The following TAS2R1 variants were observed in gnomAD, a reference collection of about 807,000 sequenced individuals.
The protein encoded by TAS2R1 is taste 2 receptor member 1, also known as taste receptor type 2 member 1.
For missense variants in TAS2R1, 370 were observed against 353.4 expected, an observed-to-expected ratio of 1.05 and a Z score of -0.38; for synonymous variants, 141 against 134.2, an observed-to-expected ratio of 1.05 and a Z score of -0.35.
chr5:9,854,432 C>T, the TAS2R1 span: 8 of 152,196 alleles, frequency 5.3e-5, no homozygotes, highest in East Asian at 1.5e-3. Context: ...GGATGCAATT[C>T]AACACGTAAT....
At chr5:9,773,779 C>T in the TAS2R1 span, among the ~76,000 whole-genome samples, 24 of 152,234 alleles carry the variant, frequency 1.6e-4, no homozygotes, top group African/African-American at 5.1e-4. Context: ...ACTAGAAAGT[C>T]GGCTGCCAAA....
the TAS2R1 span, among the ~76,000 whole-genome samples, chr5:9,793,008 A>T: frequency 4.6e-5 from 7 of 152,218 alleles, no homozygotes; most frequent in African/African-American, 1.4e-4. Context: ...CATATAAAAG[A>T]TGCATTTTCT....
chr5:9,862,135 C>A, the TAS2R1 span, among the ~76,000 whole-genome samples: 2 of 152,096 alleles, frequency 1.3e-5, no homozygotes, highest in Non-Finnish European at 2.9e-5. Context: ...ACTGGCAAAT[C>A]CATTAGGAGC....
chr5:9,862,625 CAG>C, the TAS2R1 span, among the ~76,000 whole-genome samples: 2 of 152,058 alleles, frequency 1.3e-5, no homozygotes, highest in Non-Finnish European at 2.9e-5. Flanking sequence ...TATTTTGAGA[CAG>C]GGTCTGGCTC....
chr5:9,842,840 T>G, the TAS2R1 span, among the ~76,000 whole-genome samples: 1 of 152,204 alleles, frequency 6.6e-6, no homozygotes, highest in East Asian at 1.9e-4. Flanking sequence ...TGCCTTGCGA[T>G]GGCCAAAATC....
the TAS2R1 span, among the ~76,000 whole-genome samples, chr5:9,813,177 T>C: frequency 3.3e-5 from 5 of 151,908 alleles, no homozygotes; most frequent in Non-Finnish European, 7.4e-5. Flanking sequence ...GAGAAGACAA[T>C]GGAAGAGACA....
intron 1 of TAS2R1, among the ~76,000 whole-genome samples, chr5:9,687,800 C>T (rs1426270286): frequency 1.3e-5 from 2 of 152,200 alleles, no homozygotes; most frequent in Non-Finnish European, 2.9e-5. Context: ...ACTGATTACC[C>T]CTCAGCTGAA....
the TAS2R1 span, among the ~76,000 whole-genome samples, chr5:9,794,072 T>A: frequency 6.6e-6 from 1 of 152,238 alleles, no homozygotes. Flanking sequence ...GGGTTTTGTG[T>A]CACCAGGATT....
chr5:9,685,422 A>C (rs1258704307), intron 1 of TAS2R1, among the ~76,000 whole-genome samples: 1 of 152,122 alleles, frequency 6.6e-6, no homozygotes, highest in Non-Finnish European at 1.5e-5. Context: ...AAATACTTAT[A>C]ATAACAATTA....
chr5:9,786,247 G>T, the TAS2R1 span, among the ~76,000 whole-genome samples: 2 of 152,226 alleles, frequency 1.3e-5, no homozygotes, highest in African/African-American at 4.8e-5. Context: ...CAATGGCTAA[G>T]ATTGTCATGC....
At chr5:9,632,372 C>T (rs1244501000), upstream of TAS2R1, among the ~76,000 whole-genome samples, 1 of 152,184 alleles carries the variant, frequency 6.6e-6, no homozygotes, top group Non-Finnish European at 1.5e-5. Context: ...ATGTTGATGG[C>T]TGCTGACTGA....
chr5:9,893,985 A>C, the TAS2R1 span, among the ~76,000 whole-genome samples: 3 of 152,198 alleles, frequency 2.0e-5, no homozygotes, highest in African/African-American at 7.2e-5. Context: ...TCATCTGTTA[A>C]AGTCCTAACC....
At chr5:9,633,379 T>G (rs1739912728), upstream of TAS2R1, among the ~76,000 whole-genome samples, 1 of 149,012 alleles carries the variant, frequency 6.7e-6, no homozygotes, top group South Asian at 2.1e-4. Flanking sequence ...TCCATATTTT[T>G]GTAATTGCAA....
the TAS2R1 span, among the ~76,000 whole-genome samples, chr5:9,879,352 G>A: frequency 2.0e-5 from 3 of 152,150 alleles, no homozygotes; most frequent in African/African-American, 7.2e-5. Flanking sequence ...TGGGTGTCAG[G>A]AACACATGCA....
At chr5:9,785,859 C>T in the TAS2R1 span, among the ~76,000 whole-genome samples, 29 of 152,180 alleles carry the variant, frequency 1.9e-4, no homozygotes, top group African/African-American at 7.0e-4. Context: ...TCAAAAGTTA[C>T]ACATCATCTC....
intron 1 of TAS2R1, among the ~76,000 whole-genome samples, chr5:9,672,766 T>C (rs2126503981): frequency 1.3e-5 from 2 of 152,128 alleles, no homozygotes; most frequent in African/African-American, 4.8e-5. Flanking sequence ...AAAAGAAGTA[T>C]CATTTGACCT....
chr5:9,899,579 G>A, the TAS2R1 span, among the ~76,000 whole-genome samples: 2 of 150,628 alleles, frequency 1.3e-5, no homozygotes, highest in East Asian at 2.0e-4. Flanking sequence ...GGAGGTTGCA[G>A]TAAGCCCAGA....
chr5:9,882,095 T>C, the TAS2R1 span, among the ~76,000 whole-genome samples: 1 of 152,200 alleles, frequency 6.6e-6, no homozygotes, highest in African/African-American at 2.4e-5. Context: ...GAGAAAATTT[T>C]TGCAATCTAT....
chr5:9,648,188 T>C (rs942467869), intron 2 of TAS2R1, among the ~76,000 whole-genome samples: 3 of 152,152 alleles, frequency 2.0e-5, no homozygotes, highest in Non-Finnish European at 1.5e-5. Flanking sequence ...AAGAGAAAAA[T>C]GTGATCTTAA....
Sources: allele counts gnomAD v4.1 joint callset (sites outside exome capture counted in the v4.1 genomes callset), GRCh38; gene constraint gnomAD v4.1.1; transcripts MANE v1.5; gene names NCBI Gene and HGNC (gene_info 2026-07-23, HGNC 2026-07-21).